Variants in ZFR2 observed in about 807,000 individuals in gnomAD.
The protein encoded by ZFR2 is zinc finger RNA-binding protein 2.
In ZFR2, 104 loss-of-function variants were observed where a neutral mutation model predicts 105.7. The ratio of observed to expected loss-of-function variants is 0.98; its 90% CI spans 0.84 to 1.16. ZFR2 has a LOEUF of 1.16. Among genes scored for constraint, ZFR2 ranks in the 50% most tolerant of loss-of-function variants. ZFR2 has a pLI of 0.00. For missense variants in ZFR2, 1,425 were observed against 1,355.5 expected (o/e 1.05, Z -0.80); for synonymous variants, 634 against 597.7 (o/e 1.06, Z -0.89).
chr19:3,815,237 C>T (rs139059231), intron 13 of ZFR2, among the ~76,000 whole-genome samples: 3 of 151,986 alleles, frequency 2.0e-5, no homozygotes, highest in Non-Finnish European at 4.4e-5. Flanking sequence ...TTACAGGCGC[C>T]CACCACCATG....
At chr19:3,836,688 A>G (rs1337118585) in intron 1 of ZFR2, among the ~76,000 whole-genome samples, 1 of 152,080 alleles carries the variant, frequency 6.6e-6, no homozygotes, top group Non-Finnish European at 1.5e-5. Flanking sequence ...GGCCTCATTC[A>G]CCCTTCAGAG....
At chr19:3,861,167 C>T (rs964785317) in intron 1 of ZFR2, among the ~76,000 whole-genome samples, 1 of 151,932 alleles carries the variant, frequency 6.6e-6, no homozygotes, top group Non-Finnish European at 1.5e-5. Flanking sequence ...CCAACCGCGA[C>T]AAGTAAACGA....
chr19:3,827,737 C>A, intron 5 of ZFR2, 84 bp from the exon 6 acceptor site: 1 of 1,484,172 alleles, frequency 6.7e-7, no homozygotes, highest in Non-Finnish European at 9.1e-7. Context: ...CGGCTTAGCG[C>A]GAGGGAACTC....
At chr19:3,855,364 C>T in intron 1 of ZFR2, 1 of 1,231,224 alleles carries the variant, frequency 8.1e-7, no homozygotes. Context: ...ATTGCTTTTG[C>T]GGGTTGCACT....
intron 1 of ZFR2, among the ~76,000 whole-genome samples, chr19:3,860,625 G>A (rs1051120297): frequency 7.2e-5 from 11 of 152,188 alleles, no homozygotes; most frequent in African/African-American, 2.4e-4. Context: ...CCACCAGGCA[G>A]GTGCTTGAGA....
At chr19:3,851,210 C>A (rs1468961845) in intron 1 of ZFR2, among the ~76,000 whole-genome samples, 1 of 152,114 alleles carries the variant, frequency 6.6e-6, no homozygotes, top group East Asian at 1.9e-4. Context: ...GGGGCCAGAA[C>A]TAGAGGGGGT....
At chr19:3,812,566 C>T (rs1236015905) in intron 14 of ZFR2, among the ~76,000 whole-genome samples, 9 of 152,036 alleles carry the variant, frequency 5.9e-5, no homozygotes, top group African/African-American at 2.2e-4. Context: ...AGGAAAGAGC[C>T]ACTGTCTAGT....
intron 1 of ZFR2, among the ~76,000 whole-genome samples, chr19:3,850,723 AAACAACAACAACAAC>A (rs59895843): frequency 6.8e-6 from 1 of 148,094 alleles, no homozygotes; most frequent in African/African-American, 2.5e-5. Flanking sequence ...CTCTACAGAA[AAACAACAACAACAAC>A]AACAACAACA....
At chr19:3,856,931 T>C (rs1313190159) in intron 1 of ZFR2, 6 of 152,070 alleles carry the variant, frequency 3.9e-5, no homozygotes, top group African/African-American at 9.6e-5. Flanking sequence ...GGTTTCACCA[T>C]GTTGGCCAGG....
rs371588993 is a variant in ZFR2 at position 3,831,695 on chromosome 19, G to A, written c.563C>T (p.Pro188Leu). 3.0e-5 allele frequency: 47 copies of A among 1,575,386 alleles called. 1 individual carries two copies. In the East Asian group the frequency reaches 5.0e-4, roughly 17 times the overall value. ...GGTGCAGGTGGGGTTGTAGGAGGGCGGGGGGTAGGAGGTCACGATGGAAGC... is the reference window on the plus strand; with the variant it reads ...GGTGCAGGTGGGGTTGTAGGAGGGCAGGGGGTAGGAGGTCACGATGGAAGC... Reference protein sequence around the residue: ...SSASIVTSYPPPSYNPTCTAY... With the variant: ...SSASIVTSYPLPSYNPTCTAY... Residue 188 changes from proline (P) to leucine (L), a missense_variant, in exon 4 of 19, where the codon CCG becomes CTG. Coordinates refer to ENST00000262961, the MANE Select transcript of ZFR2 (RefSeq NM_015174.2).
chr19:3,814,438 T>G (rs559040816), intron 13 of ZFR2, among the ~76,000 whole-genome samples: 2 of 152,272 alleles, frequency 1.3e-5, no homozygotes, highest in South Asian at 4.1e-4. Context: ...GGTCTTCCTG[T>G]CCATGGTCAT....
Position 3,822,204 on chromosome 19 carries a change from A to C in ZFR2, c.1372-4T>G, listed in dbSNP as rs1471000877. On this transcript the variant is annotated splice_polypyrimidine_tract_variant and splice_region_variant and intron_variant, in intron 8 of 18. Transcript: ENST00000262961. Reference sequence around the variant, plus strand: ...CTCGCCCTTCGTCGCTGAACACCTGAGACACAGAACAGCCGCACGCGCACC... The same window carrying C: ...CTCGCCCTTCGTCGCTGAACACCTGCGACACAGAACAGCCGCACGCGCACC... 1 of 1,584,546 alleles carries C rather than the reference A, an allele frequency of 6.3e-7. No individual in the cohort carries two copies. Among genetic ancestry groups the C allele is most frequent in the Non-Finnish European group, 8.6e-7 (1 of 1,166,098 alleles).
chr19:3,867,479 T>C (rs2038446629), intron 1 of ZFR2, among the ~76,000 whole-genome samples: 1 of 151,972 alleles, frequency 6.6e-6, no homozygotes. Flanking sequence ...CCCGTGTGTG[T>C]CCCTACCCTC....
At chr19:3,860,628 G>A (rs1248385386) in intron 1 of ZFR2, among the ~76,000 whole-genome samples, 1 of 152,178 alleles carries the variant, frequency 6.6e-6, no homozygotes, top group Non-Finnish European at 1.5e-5. Flanking sequence ...CCAGGCAGGT[G>A]CTTGAGAACA....
rs375016343 is a variant in ZFR2, at chr19:3,813,950, G to A, written c.2112C>T (p.Thr704=). 5.1e-5 allele frequency: 83 copies of A among 1,613,702 alleles called. 1 individual carries two copies. Among genetic ancestry groups the A allele is most frequent in the East Asian group, 1.3e-4 (6 of 44,892 alleles). ...CGGAGGAGACCTCATACTCATCCTC[G>A]GTCACCATCTGGGAGGGGTAAATAC... ...QQLPRQLQMV[T]EDEYEVSSDP... The change falls in exon 14 of 19, where the codon ACC becomes ACT. Residue 704 remains threonine, a synonymous_variant. Coordinates refer to ENST00000262961, the MANE Select transcript of ZFR2 (RefSeq NM_015174.2). This position sits in a 1 kb window ranked among gnomAD's most constrained non-coding sequence, Gnocchi z 4.4.
In ZFR2 at chr19:3,834,411, G is replaced by A. The variant is rs2145164034; in HGVS notation, c.264+362C>T. The stretch of plus-strand genomic sequence containing the variant: ...GGTGGGGTGAGTCCTGGTCTCTCTG[G>A]GCCCAGGTGGCCGAGGCCATCTGCC... On this transcript the variant is annotated intron_variant, in intron 2 of 18. Coordinates refer to ENST00000262961, the MANE Select transcript of ZFR2 (RefSeq NM_015174.2). This position sits in a 1 kb window ranked among gnomAD's most constrained non-coding sequence, Gnocchi z 5.3. Among the ~76,000 whole-genome samples the A allele has an allele frequency of 6.6e-6, 1 of 152,190 alleles. No homozygotes were observed. Among genetic ancestry groups the A allele is most frequent in the South Asian group, 2.1e-4 (1 of 4,814 alleles).
intron 14 of ZFR2, among the ~76,000 whole-genome samples, chr19:3,811,741 C>T (rs1379472046): frequency 5.9e-5 from 9 of 151,628 alleles, no homozygotes; most frequent in Non-Finnish European, 1.5e-5. Context: ...AGGCGTGAGC[C>T]ACCGTGCCCG....
In ZFR2 at chr19:3,855,614, A is replaced by G. The variant is rs1599254288; in HGVS notation, c.53+13351T>C. The G allele has an allele frequency of 1.6e-5, 7 of 448,396 alleles. No individual in the cohort carries two copies. In the East Asian group the frequency reaches 2.5e-4, roughly 16 times the overall value. 27.8% of individuals were successfully genotyped at this position (448,396 alleles called of 1,614,324 possible). On this transcript the variant is annotated intron_variant, in intron 1 of 18. Coordinates refer to ENST00000262961, the MANE Select transcript of ZFR2 (RefSeq NM_015174.2). ...CAGCAAAATAATTCAACGCGATCTG[A>G]TGGTTCTCATGCCGCCGGGAAGGAC...
intron 1 of ZFR2, among the ~76,000 whole-genome samples, chr19:3,847,680 T>C (rs1401911054): frequency 6.6e-6 from 1 of 152,188 alleles, no homozygotes; most frequent in Non-Finnish European, 1.5e-5. Flanking sequence ...AAGGAAGGCA[T>C]AGGGAACAAT....
Sources: gnomAD v4.1 joint callset for allele counts (sites outside exome capture counted in the v4.1 genomes callset) on GRCh38, gnomAD v4.1.1 for gene constraint, Gnocchi (gnomAD v3.1) non-coding constraint, MANE v1.5 for transcripts, NCBI Gene and HGNC (gene_info 2026-07-23, HGNC 2026-07-21) for gene names.